FAM50B: variants seen among roughly 807,000 people sequenced by gnomAD.
FAM50B encodes family with sequence similarity 50 member B, also known as protein FAM50B.
FAM50B carries 9 observed loss-of-function variants against 25.4 expected under a neutral mutation model. The ratio of observed to expected loss-of-function variants is 0.35; its 90% confidence interval spans 0.21 to 0.62. The LOEUF (loss-of-function observed/expected upper bound fraction) is 0.62. FAM50B is among the 20% of genes least tolerant of loss of function. The probability of loss-of-function intolerance (pLI) is 0.73; values close to 1 mark genes in which losing one functional copy is unlikely to be tolerated. For missense variants in FAM50B, 372 were observed against 477.9 expected (o/e 0.78, Z 2.07); for synonymous variants, 212 against 204.3 (o/e 1.04, Z -0.32).
At chr6:3,842,031 C>T in the FAM50B span, among the ~76,000 whole-genome samples, 2 of 152,336 alleles carry the variant, frequency 1.3e-5, no homozygotes, top group East Asian at 3.9e-4. Flanking sequence ...AGCAGAAGAG[C>T]GCTTCACCCA....
At position 3,850,443 on chromosome 6, in the gene FAM50B, A is replaced by G; in HGVS notation, c.632A>G (p.Gln211Arg). 1.2e-6 allele frequency: 2 copies of G among 1,613,510 alleles called. No homozygotes were observed. The highest frequency in any genetic ancestry group is 1.7e-5 in the Admixed American group (1 of 60,026). ...GTGCGCAAGGGCAACACGGTGCAGC[A>G]GTTCCTGAAGAAGGCGCTGCAGGGG... is the stretch of plus-strand genomic sequence containing the variant. ...VRVRKGNTVQ[Q>R]FLKKALQGLR... The change falls in exon 2 of 2, where the codon CAG becomes CGG. Residue 211 changes from glutamine to arginine, a missense_variant. By Grantham distance (43) the Gln-to-Arg change is conservative. Around this residue, in one of 4 missense-constraint regions of FAM50B, gnomAD observed 224 missense variants for 232.2 expected, o/e 0.96. Coordinates refer to ENST00000648326, the MANE Select transcript of FAM50B (RefSeq NM_012135.3).
Position 3,851,040 on chromosome 6 carries a change from C to G in FAM50B, c.*251C>G, listed in dbSNP as rs1003644784. On this transcript the variant is annotated 3_prime_UTR_variant, in exon 2 of 2. Transcript: ENST00000648326. ...CTGCTGAGCTGTATTGAAACCATGA[C>G]TGGGCCCACTGTCAGACAGAAATTA... 3.7e-5 allele frequency: 20 copies of G among 538,628 alleles called. No individual in the cohort carries two copies. The African/African-American group carries it at 3.8e-4, about 10-fold the overall frequency. 33.4% of individuals were successfully genotyped at this position (538,628 alleles called of 1,614,324 possible). A position where few individuals can be genotyped will look rare whatever the true frequency, so the allele number is the denominator to read the frequency against.
Position 3,850,819 on chromosome 6 carries a change from TG to T in FAM50B, c.*36del. 1.9e-6 allele frequency: 3 copies of T among 1,604,896 alleles called. No individual in the cohort carries two copies. Among genetic ancestry groups the T allele is most frequent in the Admixed American group, 1.7e-5 (1 of 58,990 alleles). On this transcript the variant is annotated 3_prime_UTR_variant, in exon 2 of 2. Coordinates refer to ENST00000648326, the MANE Select transcript of FAM50B (RefSeq NM_012135.3). ...CGCCTGCCAGAGCGGAAACCGGGGG[TG>T]GGGGGAGACACTCATTTCTAGGCCC...
the FAM50B span, among the ~76,000 whole-genome samples, chr6:3,832,983 C>T: frequency 6.6e-6 from 1 of 152,050 alleles, no homozygotes; most frequent in African/African-American, 2.4e-5. Flanking sequence ...CGTCTCAGCC[C>T]CCAAGTAGCT....
At chr6:3,839,961 C>T in the FAM50B span, among the ~76,000 whole-genome samples, 2 of 144,504 alleles carry the variant, frequency 1.4e-5, no homozygotes, top group Non-Finnish European at 3.0e-5. Flanking sequence ...CATGATGAAA[C>T]CCTGTCTTTG....
chr6:3,839,944 T>C, the FAM50B span, among the ~76,000 whole-genome samples: 1 of 151,930 alleles, frequency 6.6e-6, no homozygotes, highest in Non-Finnish European at 1.5e-5. Context: ...GAGACCAGCC[T>C]GGTCGACATG....
In FAM50B at chr6:3,851,051, G is replaced by C; in HGVS notation, c.*262G>C. 1 of 502,304 alleles carries C rather than the reference G, an allele frequency of 2.0e-6. No homozygotes were observed. The highest frequency in any genetic ancestry group is 3.6e-6 in the Non-Finnish European group (1 of 280,302). The allele number at this position is 502,304 out of a possible 1,614,324, so 31.1% of individuals were successfully genotyped here. On this transcript the variant is annotated 3_prime_UTR_variant, in exon 2 of 2. Transcript: ENST00000648326. ...TATTGAAACCATGACTGGGCCCACT[G>C]TCAGACAGAAATTAGAATAGGAGGC...
At chr6:3,834,342 C>A in the FAM50B span, among the ~76,000 whole-genome samples, 4 of 37,082 alleles carry the variant, frequency 1.1e-4, no homozygotes, top group African/African-American at 2.5e-4. Flanking sequence ...AAATAAAATA[C>A]AAAAACTGAT....
chr6:3,844,340 CTTTTA>C, the FAM50B span, among the ~76,000 whole-genome samples: 1 of 152,100 alleles, frequency 6.6e-6, no homozygotes, highest in Non-Finnish European at 1.5e-5. Context: ...GCTATTGATA[CTTTTA>C]TTTATTTATT....
chr6:3,848,947 A>C (rs1327320156), upstream of FAM50B, among the ~76,000 whole-genome samples: 1 of 151,420 alleles, frequency 6.6e-6, no homozygotes, highest in Non-Finnish European at 1.5e-5. Flanking sequence ...TGTTCACGAG[A>C]CGCCACAGCG....
upstream of FAM50B, among the ~76,000 whole-genome samples, chr6:3,848,799 G>A (rs1000287332): frequency 2.0e-5 from 3 of 152,230 alleles, no homozygotes; most frequent in Non-Finnish European, 2.9e-5. Context: ...GAACCCGGGG[G>A]AAACTGCTGT....
chr6:3,848,883 G>T (rs1762155561), upstream of FAM50B, among the ~76,000 whole-genome samples: 1 of 152,138 alleles, frequency 6.6e-6, no homozygotes, highest in African/African-American at 2.4e-5. Context: ...TATTATCAAA[G>T]AATGGTTGTG....
At position 3,849,909 on chromosome 6, in the gene FAM50B, A is replaced by G. The variant is rs1484011742; in HGVS notation, c.98A>G (p.Gln33Arg). The change falls in exon 2 of 2, where the codon CAG (glutamine) becomes CGG (arginine). Residue 33 changes from glutamine to arginine, a missense_variant. By Grantham distance (43) the Gln-to-Arg change is conservative. This residue lies in a region of FAM50B where 64 missense variants were observed against 118.3 expected (regional missense o/e 0.54). Coordinates refer to ENST00000648326, the MANE Select transcript of FAM50B (RefSeq NM_012135.3). ...RQREQMEVLK[Q>R]RIAEETILKS... is the part of the protein sequence containing the mutation. ...CGGGAGCAGATGGAGGTGCTGAAGCAGCGCATCGCCGAGGAGACCATCCTC... is the reference window on the plus strand; with the variant it reads ...CGGGAGCAGATGGAGGTGCTGAAGCGGCGCATCGCCGAGGAGACCATCCTC... The G allele has an allele frequency of 6.2e-7, 1 of 1,613,586 alleles. No individual in the cohort carries two copies. Among genetic ancestry groups the G allele is most frequent in the African/African-American group, 1.3e-5 (1 of 75,006 alleles).
At position 3,850,354 on chromosome 6, in the gene FAM50B, G is replaced by A; in HGVS notation, c.543G>A (p.Lys181=). ...QEWEAQREKV[K]DEEMEVTFSY... ...GGGAGGCGCAGCGCGAGAAAGTGAA[G>A]GACGAGGAGATGGAGGTCACCTTCA... Residue 181 remains lysine (K), a synonymous_variant, in exon 2 of 2, where the codon AAG becomes AAA. Transcript: ENST00000648326. 6.2e-7 allele frequency: 1 copy of A among 1,613,402 alleles called. No homozygotes were observed. The highest frequency in any genetic ancestry group is 1.3e-5 in the African/African-American group (1 of 75,068).
chr6:3,843,119 AC>A, the FAM50B span, among the ~76,000 whole-genome samples: 10 of 152,192 alleles, frequency 6.6e-5, no homozygotes, highest in Non-Finnish European at 1.5e-4. Context: ...TCCATAATAC[AC>A]TCTTCTTCAA....
At chr6:3,845,828 C>T (rs1762114143), upstream of FAM50B, among the ~76,000 whole-genome samples, 2 of 152,156 alleles carry the variant, frequency 1.3e-5, no homozygotes, top group African/African-American at 4.8e-5. Context: ...AATTCTTCTG[C>T]CTCAGCCTCC....
chr6:3,846,343 ATAGTC>A (rs1266216948), upstream of FAM50B, among the ~76,000 whole-genome samples: 6 of 152,248 alleles, frequency 3.9e-5, no homozygotes, highest in Non-Finnish European at 5.9e-5. Context: ...ATACTATACT[ATAGTC>A]TAGTAAGTGT....
chr6:3,838,486 G>A, the FAM50B span, among the ~76,000 whole-genome samples: 1 of 152,080 alleles, frequency 6.6e-6, no homozygotes, highest in East Asian at 1.9e-4. Flanking sequence ...AAGGCAGGCA[G>A]ATCACCTGAG....
the FAM50B span, among the ~76,000 whole-genome samples, chr6:3,839,542 C>T: frequency 6.6e-6 from 1 of 151,730 alleles, no homozygotes; most frequent in Non-Finnish European, 1.5e-5. Context: ...ATGGCAGAAC[C>T]ATTCTGTTCC....
Sources: allele counts gnomAD v4.1 joint callset (sites outside exome capture counted in the v4.1 genomes callset), GRCh38; gene constraint gnomAD v4.1.1; regional missense constraint gnomAD v4.1.1; transcripts MANE v1.5; gene names NCBI Gene and HGNC (gene_info 2026-07-23, HGNC 2026-07-21).